The following LMO7 variants were observed in gnomAD, a reference collection of about 807,000 sequenced individuals.
LMO7 encodes the protein LIM domain only protein 7.
LMO7 carries 120 observed loss-of-function variants against 206.5 expected under a neutral mutation model. The ratio of observed to expected loss-of-function variants is 0.58; its 90% CI spans 0.50 to 0.68. LMO7 has a LOEUF of 0.68. Among genes scored for constraint, LMO7 ranks in the 30% least tolerant of loss-of-function variants. The probability of loss-of-function intolerance (pLI) is 0.00; values close to 1 mark genes in which losing one functional copy is unlikely to be tolerated. For synonymous variants in LMO7, 706 were observed against 681.5 expected, an observed-to-expected ratio of 1.04 and a Z score of -0.56; for missense variants, 1,959 against 1,957.9, an observed-to-expected ratio of 1.00 and a Z score of -0.01.
At chr13:75,720,705 G>A (rs2043949905) in intron 2 of LMO7, among the ~76,000 whole-genome samples, 1 of 152,186 alleles carries the variant, frequency 6.6e-6, no homozygotes, top group South Asian at 2.1e-4. Flanking sequence ...ATATAATAAA[G>A]TTCCATCATA....
chr13:75,831,625 T>C (rs760164435), intron 15 of LMO7, among the ~76,000 whole-genome samples: 1 of 152,096 alleles, frequency 6.6e-6, no homozygotes, highest in Non-Finnish European at 1.5e-5. Flanking sequence ...TGTCACAACA[T>C]GGTGGAAAAG....
intron 1 of LMO7, among the ~76,000 whole-genome samples, chr13:75,671,414 T>C (rs1315621428): frequency 6.6e-6 from 1 of 152,154 alleles, no homozygotes; most frequent in African/African-American, 2.4e-5. Flanking sequence ...GCGATATCAC[T>C]AGATAGAAGA....
intron 1 of LMO7, among the ~76,000 whole-genome samples, chr13:75,699,491 G>C (rs549112439): frequency 6.6e-6 from 1 of 150,764 alleles, no homozygotes; most frequent in Admixed American, 6.6e-5. Flanking sequence ...CCTAAGTGTC[G>C]GCCGGTCTGA....
At chr13:75,732,177 GCT>G (rs2045312255) in intron 3 of LMO7, among the ~76,000 whole-genome samples, 1 of 152,112 alleles carries the variant, frequency 6.6e-6, no homozygotes, top group African/African-American at 2.4e-5. Context: ...GGCCTGCCTT[GCT>G]AGATTGGGGA....
intron 1 of LMO7, among the ~76,000 whole-genome samples, chr13:75,699,757 C>T (rs1415167261): frequency 6.6e-6 from 1 of 152,240 alleles, no homozygotes; most frequent in Non-Finnish European, 1.5e-5. Flanking sequence ...TCATGTCCCA[C>T]TGTGCACCCA....
intron 3 of LMO7, among the ~76,000 whole-genome samples, chr13:75,735,672 C>T (rs1594636268): frequency 1.4e-5 from 2 of 147,792 alleles, no homozygotes; most frequent in East Asian, 3.9e-4. Flanking sequence ...GACAGGGTTT[C>T]ACCACGTTGG....
At chr13:75,640,599 A>G (rs983350588) in intron 1 of LMO7, among the ~76,000 whole-genome samples, 2 of 152,118 alleles carry the variant, frequency 1.3e-5, no homozygotes, top group Admixed American at 1.3e-4. Flanking sequence ...GTGTGGTTCT[A>G]TTCGTTTTTC....
intron 3 of LMO7, chr13:75,760,331 T>A: frequency 1.0e-6 from 1 of 993,502 alleles, no homozygotes; most frequent in Non-Finnish European, 1.2e-6. Flanking sequence ...CCACACAAAC[T>A]ATGCAATTTA....
At chr13:75,700,507 A>C (rs1377467522) in intron 1 of LMO7, among the ~76,000 whole-genome samples, 2 of 152,256 alleles carry the variant, frequency 1.3e-5, no homozygotes, top group Non-Finnish European at 2.9e-5. Flanking sequence ...TGTAGATCTT[A>C]GCAACCTCAG....
At chr13:75,651,901 A>G (rs909353487) in intron 1 of LMO7, among the ~76,000 whole-genome samples, 4 of 152,082 alleles carry the variant, frequency 2.6e-5, no homozygotes, top group African/African-American at 9.7e-5. Context: ...CCACCTAAAT[A>G]TTTCTACTTA....
rs765712249 is a variant in LMO7, at chr13:75,636,773, G to A, written c.69+47G>A. 14 of 1,558,488 alleles carry A rather than the reference G, an allele frequency of 9.0e-6. No individual in the cohort carries two copies. The South Asian group carries it at 1.1e-4, about 12-fold the overall frequency. ...CCCTTCCGCAGGTGTTGACTGCCTC[G>A]GGGCGGTCGTCGCGAGGTGACTGCA... is the stretch of plus-strand genomic sequence containing the variant. On this transcript the variant is annotated intron_variant, in intron 1 of 30. Transcript: ENST00000377534.
At position 75,769,133 on chromosome 13, in the gene LMO7, C is replaced by T. The variant is rs1351361277; in HGVS notation, c.317+8095C>T. On this transcript the variant is annotated intron_variant, in intron 4 of 30. Coordinates refer to ENST00000377534, the MANE Select transcript of LMO7 (RefSeq NM_001306080.2). ...TTTTTTTTCTTTAAAAAAGTAGAAC[C>T]TGACTATCAAATGTTAAATAGAGTA... 3.3e-5 allele frequency among the ~76,000 whole-genome samples: 5 copies of T among 151,890 alleles called. No homozygotes were observed. In the East Asian group the frequency reaches 9.7e-4, roughly 29 times the overall value.
chr13:75,840,338 T>A, intron 21 of LMO7, 53 bp from the exon 22 acceptor site: 1 of 1,597,996 alleles, frequency 6.3e-7, no homozygotes, highest in Non-Finnish European at 8.6e-7. Context: ...AGTAGATGAC[T>A]TAATGAAGTT....
rs1031489963 is a variant in LMO7, at chr13:75,859,817, A to G, written c.*1874A>G. 1.3e-5 allele frequency: 2 copies of G among 152,210 alleles called. No homozygotes were observed. Among genetic ancestry groups the G allele is most frequent in the African/African-American group, 2.4e-5 (1 of 41,456 alleles). The allele number at this position is 152,210 out of a possible 1,614,324, so 9.4% of individuals were successfully genotyped here. Reference sequence around the variant, plus strand: ...TGTTCTCTGCCTGATGTGTATGCAGAGGCAGCCCTCAATATGCAGTGGTTG... The same window carrying G: ...TGTTCTCTGCCTGATGTGTATGCAGGGGCAGCCCTCAATATGCAGTGGTTG... On this transcript the variant is annotated 3_prime_UTR_variant, in exon 31 of 31. Transcript: ENST00000377534.
At chr13:75,669,351 C>A (rs942660248) in intron 1 of LMO7, among the ~76,000 whole-genome samples, 2 of 152,030 alleles carry the variant, frequency 1.3e-5, no homozygotes, top group African/African-American at 4.8e-5. Flanking sequence ...TAGTATCAAA[C>A]TAACAGTTCA....
At chr13:75,823,284 A>G (rs1478268044) in intron 14 of LMO7, among the ~76,000 whole-genome samples, 3 of 152,174 alleles carry the variant, frequency 2.0e-5, no homozygotes, top group African/African-American at 7.2e-5. Flanking sequence ...GCCAGTTTAG[A>G]TTCAGTGGAA....
intron 3 of LMO7, among the ~76,000 whole-genome samples, chr13:75,752,252 T>TC (rs1352290344): frequency 6.6e-6 from 1 of 151,862 alleles, no homozygotes; most frequent in Non-Finnish European, 1.5e-5. Context: ...TGCCTCAGCC[T>TC]CCCAAGTAGC....
intron 6 of LMO7, among the ~76,000 whole-genome samples, chr13:75,799,539 C>A (rs1595099188): frequency 6.6e-6 from 1 of 152,188 alleles, no homozygotes; most frequent in East Asian, 1.9e-4. Flanking sequence ...TTCAGATATT[C>A]CCCATTATCT....
At chr13:75,773,207 C>T (rs147369182) in intron 4 of LMO7, among the ~76,000 whole-genome samples, 8 of 152,108 alleles carry the variant, frequency 5.3e-5, no homozygotes, top group African/African-American at 1.7e-4. Flanking sequence ...CTTAGCTCTT[C>T]GGGCCTACAT....
Sources: allele counts gnomAD v4.1 joint callset (sites outside exome capture counted in the v4.1 genomes callset), GRCh38; gene constraint gnomAD v4.1.1; transcripts MANE v1.5; gene names NCBI Gene and HGNC (gene_info 2026-07-23, HGNC 2026-07-21).